Variants in PCDH11X observed in about 807,000 individuals in gnomAD.
PCDH11X encodes the protein protocadherin-11 X-linked.
PCDH11X carries 18 observed loss-of-function variants against 53.3 expected under a neutral mutation model. The ratio of observed to expected loss-of-function variants is 0.34; its 90% CI spans 0.23 to 0.50. The LOEUF (loss-of-function observed/expected upper bound fraction) is 0.50. PCDH11X is among the 20% of genes least tolerant of loss of function. PCDH11X has a pLI of 0.98. For missense variants in PCDH11X, 570 were observed against 1,032.4 expected (o/e 0.55, Z 6.14); for synonymous variants, 279 against 393.3 (o/e 0.71, Z 3.44).
intron 6 of PCDH11X, among the ~76,000 whole-genome samples, chrX:92,185,833 G>GA (rs199745677): frequency 0.016 from 1,768 of 108,520 alleles, 37 homozygotes; most frequent in African/African-American, 0.056. Flanking sequence ...AAAAAAAAAA[G>GA]AAAAAACAAA....
chrX:92,121,788 C>T (rs762530504), intron 6 of PCDH11X, among the ~76,000 whole-genome samples: 24 of 109,013 alleles, frequency 2.2e-4, no homozygotes, highest in South Asian at 1.6e-3. Context: ...TACAGTGGCG[C>T]GATCTCGGCT....
chrX:92,547,681 AATG>A (rs1246946009), intron 10 of PCDH11X, among the ~76,000 whole-genome samples: 1 of 111,146 alleles, frequency 9.0e-6, no homozygotes, highest in Non-Finnish European at 1.9e-5. Flanking sequence ...TTGAGAAAAA[AATG>A]ATAGTTGTAC....
At chrX:92,127,613 C>T (rs2064892539) in intron 6 of PCDH11X, among the ~76,000 whole-genome samples, 1 of 107,231 alleles carries the variant, frequency 9.3e-6, no homozygotes, top group African/African-American at 3.4e-5. Flanking sequence ...CTCTGCCTCC[C>T]AGGTTCAAGG....
chrX:92,059,503 G>A (rs1359080899), intron 6 of PCDH11X, among the ~76,000 whole-genome samples: 2 of 110,941 alleles, frequency 1.8e-5, no homozygotes, highest in Non-Finnish European at 3.8e-5. Context: ...TAAAAGGCCT[G>A]TATATGCTTA....
intron 1 of PCDH11X, among the ~76,000 whole-genome samples, chrX:91,807,678 G>A (rs2147553981): frequency 9.0e-6 from 1 of 111,256 alleles, no homozygotes; most frequent in South Asian, 3.8e-4. Flanking sequence ...ATCATTCTAG[G>A]AGGAAAAAAA....
chrX:91,908,074 G>T (rs1941244459), intron 6 of PCDH11X, among the ~76,000 whole-genome samples: 1 of 111,108 alleles, frequency 9.0e-6, no homozygotes, highest in African/African-American at 3.3e-5. Context: ...GCTATTGGAA[G>T]ATACCCTAAG....
chrX:91,820,925 A>C (rs1254242282), intron 4 of PCDH11X, among the ~76,000 whole-genome samples: 6 of 108,380 alleles, frequency 5.5e-5, no homozygotes, highest in Non-Finnish European at 1.1e-4. Context: ...TTTATTAGAT[A>C]GGGAATCCTT....
intron 10 of PCDH11X, among the ~76,000 whole-genome samples, chrX:92,550,833 A>G (rs1454245741): frequency 9.2e-6 from 1 of 108,662 alleles, no homozygotes; most frequent in African/African-American, 3.3e-5. Flanking sequence ...GTTAGAACAT[A>G]TGATGTTTAT....
At chrX:92,426,116 C>T (rs1007030366) in intron 9 of PCDH11X, among the ~76,000 whole-genome samples, 2 of 100,931 alleles carry the variant, frequency 2.0e-5, no homozygotes, top group African/African-American at 7.3e-5. Context: ...GGCGAACAAA[C>T]ATAGATTGCA....
chrX:92,393,455 A>G (rs1484726914), intron 9 of PCDH11X, among the ~76,000 whole-genome samples: 4 of 110,477 alleles, frequency 3.6e-5, no homozygotes, highest in Non-Finnish European at 7.6e-5. Context: ...GGTCTATTTC[A>G]AGAAAGAGGT....
intron 6 of PCDH11X, chrX:91,982,871 T>C: frequency 2.2e-6 from 2 of 907,189 alleles, no homozygotes. Flanking sequence ...TGTTTCCTGC[T>C]GTCCAGGTGA....
chrX:92,461,451 C>T (rs958783306), intron 9 of PCDH11X, among the ~76,000 whole-genome samples: 3 of 111,716 alleles, frequency 2.7e-5, no homozygotes, highest in African/African-American at 9.8e-5. Context: ...GGAATATAAA[C>T]TGAGGAAAAG....
At chrX:92,159,216 G>C (rs1325681860) in intron 6 of PCDH11X, among the ~76,000 whole-genome samples, 2 of 110,675 alleles carry the variant, frequency 1.8e-5, no homozygotes, top group Non-Finnish European at 3.8e-5. Flanking sequence ...GGAAGTCCTA[G>C]TTAATGGAAT....
intron 7 of PCDH11X, among the ~76,000 whole-genome samples, chrX:92,230,911 G>T (rs1351327706): frequency 9.0e-6 from 1 of 110,627 alleles, no homozygotes; most frequent in Non-Finnish European, 1.9e-5. Context: ...GTGCAGACAG[G>T]ACTGGAAGAA....
At chrX:92,243,850 TTTGC>T (rs941453699) in intron 7 of PCDH11X, among the ~76,000 whole-genome samples, 5 of 111,962 alleles carry the variant, frequency 4.5e-5, no homozygotes, top group African/African-American at 1.6e-4. Flanking sequence ...TCTGCTATTC[TTTGC>T]TTGCAATAAT....
At position 91,820,596 on chromosome X, in the gene PCDH11X, C is replaced by T. The variant is rs200574444; in HGVS notation, c.-45+9301C>T. ...AGCCCTTTGTCAGATGAGTAGGTTG[C>T]GAAAATTTTCTCCCATGTTGTAGGT... On this transcript the variant is annotated intron_variant, in intron 4 of 10. Transcript: ENST00000682573. 4.0e-3 allele frequency among the ~76,000 whole-genome samples: 403 copies of T among 100,980 alleles called. 3 individuals are homozygous for T. Among genetic ancestry groups the T allele is most frequent in the Admixed American group, 0.027 (258 of 9,704 alleles). The allele number at this position is 100,980 out of a possible 115,157, so 87.7% of individuals were successfully genotyped here.
At chrX:91,895,829 A>G (rs188648707) in intron 6 of PCDH11X, among the ~76,000 whole-genome samples, 6,498 of 106,725 alleles carry the variant, frequency 0.061, 489 homozygotes, top group African/African-American at 0.21. Flanking sequence ...TACATGTATA[A>G]TATGTAATAC....
intron 1 of PCDH11X, among the ~76,000 whole-genome samples, chrX:91,791,682 G>GTT (rs1935544014): frequency 1.2e-5 from 1 of 85,228 alleles, no homozygotes; most frequent in African/African-American, 5.6e-5. Flanking sequence ...ATCTTTTTAG[G>GTT]GTTTTTTTTT....
chrX:92,610,857 T>G (rs1189882040), intron 10 of PCDH11X, among the ~76,000 whole-genome samples: 1 of 111,592 alleles, frequency 9.0e-6, no homozygotes, highest in African/African-American at 3.3e-5. Flanking sequence ...AGAAAGTCTT[T>G]TCCCCACTGC....
Sources: gnomAD v4.1 joint callset for allele counts (sites outside exome capture counted in the v4.1 genomes callset) on GRCh38, gnomAD v4.1.1 for gene constraint, MANE v1.5 for transcripts, NCBI Gene and HGNC (gene_info 2026-07-23, HGNC 2026-07-21) for gene names.